The following KHDRBS2 variants were observed in gnomAD, a reference collection of about 807,000 sequenced individuals.
The protein encoded by KHDRBS2 is KH RNA binding domain containing, signal transduction associated 2, also known as KH domain-containing, RNA-binding, signal transduction-associated protein 2.
Under a neutral mutation model 44.3 loss-of-function variants are expected in KHDRBS2, and 26 were observed. The ratio of observed to expected loss-of-function variants is 0.59; its 90% CI spans 0.43 to 0.81. The LOEUF (loss-of-function observed/expected upper bound fraction) is 0.81, where lower values mean the gene tolerates loss of function less well. Among genes scored for constraint, KHDRBS2 ranks in the 40% least tolerant of loss-of-function variants. The probability of loss-of-function intolerance (pLI) is 0.00; values close to 1 mark genes in which losing one functional copy is unlikely to be tolerated. For missense variants in KHDRBS2, 476 were observed against 433.1 expected, an observed-to-expected ratio of 1.10 and a Z score of -0.88; for synonymous variants, 194 against 151.1, an observed-to-expected ratio of 1.28 and a Z score of -2.08.
the KHDRBS2 span, among the ~76,000 whole-genome samples, chr6:61,668,961 T>C: frequency 6.6e-6 from 1 of 150,974 alleles, no homozygotes; most frequent in African/African-American, 2.4e-5. Context: ...ACTATTTTTC[T>C]AGAGGGACAA....
intron 2 of KHDRBS2, among the ~76,000 whole-genome samples, chr6:62,082,538 T>G (rs1797609276): frequency 6.6e-6 from 1 of 152,142 alleles, no homozygotes; most frequent in Non-Finnish European, 1.5e-5. Context: ...GATTTCATAC[T>G]TTTATTACTA....
the KHDRBS2 span, among the ~76,000 whole-genome samples, chr6:61,629,714 A>G: frequency 6.6e-6 from 1 of 152,192 alleles, no homozygotes; most frequent in Non-Finnish European, 1.5e-5. Context: ...TACTATTGAA[A>G]AACTATAACG....
intron 2 of KHDRBS2, among the ~76,000 whole-genome samples, chr6:62,108,914 G>C (rs1295493341): frequency 6.6e-6 from 1 of 152,078 alleles, no homozygotes; most frequent in Non-Finnish European, 1.5e-5. Flanking sequence ...CATGGACACA[G>C]GAAGGGGTAC....
intron 4 of KHDRBS2, among the ~76,000 whole-genome samples, chr6:61,938,724 T>A (rs564048067): frequency 6.6e-6 from 1 of 152,180 alleles, no homozygotes; most frequent in South Asian, 2.1e-4. Context: ...TGTATTTACA[T>A]CTCCTTTTGT....
the KHDRBS2 span, among the ~76,000 whole-genome samples, chr6:61,629,860 T>A: frequency 6.6e-6 from 1 of 152,268 alleles, no homozygotes; most frequent in African/African-American, 2.4e-5. Flanking sequence ...AATTTCTTTG[T>A]AAGAGTCCAC....
intron 8 of KHDRBS2, among the ~76,000 whole-genome samples, chr6:61,688,360 CAAAT>C (rs746462844): frequency 3.8e-4 from 58 of 151,748 alleles, no homozygotes; most frequent in Non-Finnish European, 6.8e-4. Flanking sequence ...TCATTATTGT[CAAAT>C]AAAATGCTGA....
At chr6:61,733,082 A>C (rs2127560972) in intron 6 of KHDRBS2, among the ~76,000 whole-genome samples, 1 of 152,290 alleles carries the variant, frequency 6.6e-6, no homozygotes, top group South Asian at 2.1e-4. Context: ...ATACAAGAAC[A>C]ACTGTGCTAA....
chr6:62,113,771 G>C (rs151217667), intron 2 of KHDRBS2, among the ~76,000 whole-genome samples: 41 of 152,166 alleles, frequency 2.7e-4, no homozygotes, highest in African/African-American at 9.6e-4. Flanking sequence ...TTTACTAACA[G>C]GGAATTTACA....
chr6:61,662,879 A>T, the KHDRBS2 span, among the ~76,000 whole-genome samples: 1 of 151,876 alleles, frequency 6.6e-6, no homozygotes, highest in Non-Finnish European at 1.5e-5. Context: ...ATACCATTTG[A>T]CCCAGCCATC....
At chr6:61,594,935 T>A in the KHDRBS2 span, among the ~76,000 whole-genome samples, 2 of 152,186 alleles carry the variant, frequency 1.3e-5, no homozygotes, top group African/African-American at 2.4e-5. Flanking sequence ...ACAGTGATAA[T>A]GAAAAGGTTT....
intron 8 of KHDRBS2, among the ~76,000 whole-genome samples, chr6:61,696,588 T>G (rs1465573569): frequency 6.6e-6 from 1 of 152,102 alleles, no homozygotes; most frequent in Non-Finnish European, 1.5e-5. Context: ...GCAAACTATG[T>G]CTCAAACATG....
chr6:61,727,346 A>T (rs1266304737), intron 7 of KHDRBS2, among the ~76,000 whole-genome samples: 1 of 152,222 alleles, frequency 6.6e-6, no homozygotes, highest in Non-Finnish European at 1.5e-5. Context: ...GAGCTAGGCA[A>T]TACTATTCAG....
At chr6:62,169,345 A>G (rs1330485460) in intron 2 of KHDRBS2, among the ~76,000 whole-genome samples, 1 of 151,742 alleles carries the variant, frequency 6.6e-6, no homozygotes, top group Non-Finnish European at 1.5e-5. Flanking sequence ...TCTTAGGAAT[A>G]TGGAGGAACA....
the KHDRBS2 span, among the ~76,000 whole-genome samples, chr6:61,556,288 A>T: frequency 6.6e-6 from 1 of 152,180 alleles, no homozygotes; most frequent in East Asian, 1.9e-4. Flanking sequence ...CACTGGTGGC[A>T]ATGGCAGTGC....
At chr6:62,015,284 C>T (rs781071799) in intron 3 of KHDRBS2, among the ~76,000 whole-genome samples, 1 of 152,094 alleles carries the variant, frequency 6.6e-6, no homozygotes, top group Non-Finnish European at 1.5e-5. Context: ...GATAAAGACA[C>T]TGAAGTCTAA....
At chr6:62,102,940 A>G (rs1414305582) in intron 2 of KHDRBS2, among the ~76,000 whole-genome samples, 1 of 152,096 alleles carries the variant, frequency 6.6e-6, no homozygotes, top group Non-Finnish European at 1.5e-5. Context: ...GGCAGAGAGG[A>G]ACTTTATTGA....
chr6:62,102,468 C>A (rs1054062805), intron 2 of KHDRBS2, among the ~76,000 whole-genome samples: 1 of 152,212 alleles, frequency 6.6e-6, no homozygotes, highest in African/African-American at 2.4e-5. Flanking sequence ...GCATGTCACA[C>A]TCCAGACATG....
intron 3 of KHDRBS2, among the ~76,000 whole-genome samples, chr6:62,016,237 C>A (rs1301654154): frequency 6.6e-6 from 1 of 151,934 alleles, no homozygotes; most frequent in African/African-American, 2.4e-5. Flanking sequence ...TCCAAATAAA[C>A]CAATCTCAAA....
At chr6:61,933,079 A>T (rs1232166189) in intron 4 of KHDRBS2, among the ~76,000 whole-genome samples, 4 of 152,304 alleles carry the variant, frequency 2.6e-5, no homozygotes, top group African/African-American at 9.6e-5. Flanking sequence ...ACGTTTTCAC[A>T]GGCTGTACAG....
Sources: allele counts gnomAD v4.1 joint callset (sites outside exome capture counted in the v4.1 genomes callset), GRCh38; gene constraint gnomAD v4.1.1; transcripts MANE v1.5; gene names NCBI Gene and HGNC (gene_info 2026-07-23, HGNC 2026-07-21).